JPH3: variants seen among roughly 807,000 people sequenced by gnomAD.
JPH3 encodes the protein junctophilin-3.
A neutral mutation model predicts 59.6 loss-of-function variants in JPH3; 11 were observed. The observed-to-expected ratio is 0.18, with a 90% CI of 0.12 to 0.31. The LOEUF (loss-of-function observed/expected upper bound fraction) is 0.31. JPH3 is among the 10% of genes least tolerant of loss of function. The pLI, the probability that JPH3 is intolerant of heterozygous loss-of-function variation, is 1.00. For synonymous variants in JPH3, 673 were observed against 483.6 expected, an observed-to-expected ratio of 1.39 and a Z score of -5.14; for missense variants, 1,202 against 1,105.7, an observed-to-expected ratio of 1.09 and a Z score of -1.24.
intron 1 of JPH3, among the ~76,000 whole-genome samples, chr16:87,642,543 C>T (rs1258301417): frequency 6.6e-6 from 1 of 152,248 alleles, no homozygotes; most frequent in Non-Finnish European, 1.5e-5. Flanking sequence ...CAGTAAGTCT[C>T]GGCCTCCAGG....
chr16:87,628,264 C>T (rs928567826), intron 1 of JPH3, among the ~76,000 whole-genome samples: 6 of 152,258 alleles, frequency 3.9e-5, no homozygotes, highest in African/African-American at 1.4e-4. Context: ...TCAGAAGGAG[C>T]AGCAGGACCC....
At chr16:87,637,632 C>G (rs567743275) in intron 1 of JPH3, among the ~76,000 whole-genome samples, 3 of 152,230 alleles carry the variant, frequency 2.0e-5, no homozygotes, top group South Asian at 4.2e-4. Context: ...CCCTTCTGCT[C>G]TCCTTTCCAG....
intron 1 of JPH3, among the ~76,000 whole-genome samples, chr16:87,638,472 C>T (rs536489989): frequency 6.6e-6 from 1 of 152,222 alleles, no homozygotes; most frequent in African/African-American, 2.4e-5. Context: ...GATCCACAGA[C>T]CAGGACTGTA....
chr16:87,608,503 G>A (rs112358040), intron 1 of JPH3, among the ~76,000 whole-genome samples: 21 of 152,162 alleles, frequency 1.4e-4, no homozygotes, highest in African/African-American at 4.6e-4. Context: ...TGGAGCCACC[G>A]CTGCACTGGG....
At chr16:87,627,296 G>T (rs2031413389) in intron 1 of JPH3, among the ~76,000 whole-genome samples, 1 of 152,256 alleles carries the variant, frequency 6.6e-6, no homozygotes, top group Non-Finnish European at 1.5e-5. Context: ...CTGCTGCAGA[G>T]CCTGCATTTC....
At chr16:87,657,854 A>C (rs1343827647) in intron 2 of JPH3, among the ~76,000 whole-genome samples, 1 of 152,168 alleles carries the variant, frequency 6.6e-6, no homozygotes. Context: ...TGGGAAATGT[A>C]GTCCTTAGTC....
intron 2 of JPH3, among the ~76,000 whole-genome samples, chr16:87,674,017 A>C (rs2033082180): frequency 6.7e-6 from 1 of 149,298 alleles, no homozygotes; most frequent in Admixed American, 6.8e-5. Flanking sequence ...ACAATCTCCA[A>C]GATACAGTGT....
At chr16:87,653,207 G>T (rs1011971661) in intron 2 of JPH3, among the ~76,000 whole-genome samples, 1 of 152,220 alleles carries the variant, frequency 6.6e-6, no homozygotes, top group Non-Finnish European at 1.5e-5. Flanking sequence ...GGCTCTGGGG[G>T]TGTGTAAAAC....
chr16:87,670,389 G>A (rs1293079047), intron 2 of JPH3, among the ~76,000 whole-genome samples: 1 of 152,206 alleles, frequency 6.6e-6, no homozygotes, highest in African/African-American at 2.4e-5. Flanking sequence ...CCTGACTGAC[G>A]CCCCTGCTGC....
intron 1 of JPH3, among the ~76,000 whole-genome samples, chr16:87,625,278 G>A (rs1187914888): frequency 6.6e-6 from 1 of 152,194 alleles, no homozygotes; most frequent in Admixed American, 6.5e-5. Context: ...AGTGACAGCT[G>A]TGACTATTGG....
At chr16:87,619,446 G>A (rs575897676) in intron 1 of JPH3, among the ~76,000 whole-genome samples, 2 of 152,316 alleles carry the variant, frequency 1.3e-5, no homozygotes, top group East Asian at 3.9e-4. Flanking sequence ...TGCCTGCTCC[G>A]TTGGAGGTTG....
At chr16:87,668,989 G>A (rs1415478226) in intron 2 of JPH3, among the ~76,000 whole-genome samples, 3 of 152,160 alleles carry the variant, frequency 2.0e-5, no homozygotes, top group Admixed American at 1.3e-4. Flanking sequence ...TAATCTTCTC[G>A]GAGGTCCTGC....
chr16:87,671,277 A>G (rs1452990489), intron 2 of JPH3, among the ~76,000 whole-genome samples: 2 of 151,816 alleles, frequency 1.3e-5, no homozygotes, highest in East Asian at 3.9e-4. Context: ...CCCCTTCGTC[A>G]CCCCGAGGTG....
At chr16:87,613,989 G>A (rs2030838334) in intron 1 of JPH3, among the ~76,000 whole-genome samples, 1 of 152,198 alleles carries the variant, frequency 6.6e-6, no homozygotes, top group African/African-American at 2.4e-5. Context: ...TCTTGATGGA[G>A]CCAGCATTCC....
chr16:87,689,136 G>C (rs1000423695), intron 3 of JPH3, among the ~76,000 whole-genome samples: 2 of 152,158 alleles, frequency 1.3e-5, no homozygotes, highest in African/African-American at 4.8e-5. Context: ...CGGCTCCTGG[G>C]CTCTCACGCT....
intron 1 of JPH3, among the ~76,000 whole-genome samples, chr16:87,643,751 G>C (rs1395887945): frequency 6.6e-6 from 1 of 152,182 alleles, no homozygotes; most frequent in East Asian, 1.9e-4. Flanking sequence ...ATGAGAAGCA[G>C]GATGGAGGTG....
At chr16:87,682,366 TAGA>T (rs1445946704) in intron 2 of JPH3, among the ~76,000 whole-genome samples, 1 of 152,102 alleles carries the variant, frequency 6.6e-6, no homozygotes, top group Non-Finnish European at 1.5e-5. Context: ...TCAGGCTGCG[TAGA>T]AGGTGTTTGC....
At chr16:87,650,320 G>T (rs2032290107) in intron 2 of JPH3, among the ~76,000 whole-genome samples, 1 of 152,186 alleles carries the variant, frequency 6.6e-6, no homozygotes, top group Admixed American at 6.5e-5. Context: ...ATAAGACAGT[G>T]AACTTAATAA....
At chr16:87,631,258 C>G (rs894725584) in intron 1 of JPH3, among the ~76,000 whole-genome samples, 4 of 152,202 alleles carry the variant, frequency 2.6e-5, no homozygotes, top group African/African-American at 9.7e-5. Flanking sequence ...TTCATGGTTT[C>G]CTCCCTCATT....
Sources: gnomAD v4.1 joint callset for allele counts (sites outside exome capture counted in the v4.1 genomes callset) on GRCh38, gnomAD v4.1.1 for gene constraint, MANE v1.5 for transcripts, NCBI Gene and HGNC (gene_info 2026-07-23, HGNC 2026-07-21) for gene names.